Variants in VPS13B observed in about 807,000 individuals in gnomAD.
The protein encoded by VPS13B is intermembrane lipid transfer protein VPS13B.
In VPS13B, 285 loss-of-function variants were observed where a neutral mutation model predicts 426.4. The observed-to-expected ratio is 0.67, with a 90% confidence interval of 0.61 to 0.74. VPS13B has a LOEUF of 0.74. VPS13B is among the 30% of genes least tolerant of loss of function. VPS13B has a pLI of 0.00. For synonymous variants in VPS13B, 1,676 were observed against 1,676.4 expected (o/e 1.00, Z 0.01); for missense variants, 4,537 against 4,782.6 (o/e 0.95, Z 1.51).
rs570746193 is a variant in VPS13B at position 99,218,295 on chromosome 8, T to C, written c.2515+25238T>C. Among the ~76,000 whole-genome samples, 7 of 152,320 alleles carry C rather than the reference T, an allele frequency of 4.6e-5. No homozygotes were observed. The East Asian group carries it at 7.7e-4, about 17-fold the overall frequency. On this transcript the variant is annotated intron_variant, in intron 17 of 61. Transcript: ENST00000357162. ...AGCACACAAAGTCTAAAATATTTAC[T>C]ATCTGGCCCTTTATAGAAGAAGTTT...
chr8:99,349,128 T>C (rs1284994365), intron 19 of VPS13B, among the ~76,000 whole-genome samples: 1 of 150,480 alleles, frequency 6.6e-6, no homozygotes, highest in Non-Finnish European at 1.5e-5. Context: ...GGTCAGGAGA[T>C]CGAGACCATC....
intron 51 of VPS13B, among the ~76,000 whole-genome samples, chr8:99,830,930 C>T (rs1215476914): frequency 6.6e-6 from 1 of 152,054 alleles, no homozygotes; most frequent in Non-Finnish European, 1.5e-5. Flanking sequence ...TGGGCTGCAC[C>T]CACTGTCTAA....
In VPS13B at chr8:99,671,925, A is replaced by G. The variant is rs548995482; in HGVS notation, c.6046+10434A>G. On this transcript the variant is annotated intron_variant, in intron 35 of 61. Transcript: ENST00000357162. ...GTTCTTGACACCTTTGTTGAGAACTAATTAGCTAATACATGGATTTCTTTC... is the reference window on the plus strand; with the variant it reads ...GTTCTTGACACCTTTGTTGAGAACTGATTAGCTAATACATGGATTTCTTTC... Among the ~76,000 whole-genome samples, 3 of 152,256 alleles carry G rather than the reference A, an allele frequency of 2.0e-5. No individual in the cohort carries two copies. The South Asian group carries it at 6.2e-4, about 32-fold the overall frequency.
chr8:99,143,198 C>T, intron 13 of VPS13B, 33 bp downstream of exon 13: 1 of 1,612,200 alleles, frequency 6.2e-7, no homozygotes, highest in Non-Finnish European at 8.5e-7. Context: ...AATCTTTTGC[C>T]ATTTGTTTTG....
chr8:99,397,242 T>C (rs1814779019), intron 21 of VPS13B, among the ~76,000 whole-genome samples: 1 of 152,158 alleles, frequency 6.6e-6, no homozygotes, highest in African/African-American at 2.4e-5. Flanking sequence ...ACCTCCTGAG[T>C]TCAAAAGATT....
intron 39 of VPS13B, among the ~76,000 whole-genome samples, chr8:99,758,918 C>T (rs1188923883): frequency 1.3e-5 from 2 of 152,146 alleles, no homozygotes; most frequent in African/African-American, 2.4e-5. Flanking sequence ...GAGGCTCTCA[C>T]GTTCTTTTTG....
At position 99,096,247 on chromosome 8, in the gene VPS13B, A is replaced by T. The variant is rs540438978; in HGVS notation, c.292-65A>T. 161 of 1,586,598 alleles carry T rather than the reference A, an allele frequency of 1.0e-4. No individual in the cohort carries two copies. In the East Asian group the frequency reaches 1.1e-3, roughly 11 times the overall value. The stretch of plus-strand genomic sequence containing the variant: ...TACCATAAACTGCATATATTAAAAA[A>T]TTTTTTTTCTTAATTCTTGAGTATG... On this transcript the variant is annotated intron_variant, in intron 3 of 61. Coordinates refer to ENST00000357162, the MANE Select transcript of VPS13B (RefSeq NM_152564.5).
chr8:99,778,876 G>A lies in VPS13B; in HGVS notation c.7624G>A (p.Val2542Met). 6.2e-7 allele frequency: 1 copy of A among 1,614,032 alleles called. No individual in the cohort carries two copies. The highest frequency in any genetic ancestry group is 8.5e-7 in the Non-Finnish European group (1 of 1,179,934). Residue 2542 changes from valine to methionine, a missense_variant, in exon 42 of 62, where the codon GTG becomes ATG. Physicochemically the swap from Val to Met is conservative, Grantham distance 21. This residue lies in a region of VPS13B where 4,311 missense variants were observed against 4,474.3 expected (regional missense o/e 0.96). Transcript: ENST00000357162. ...GTGCAGAAATGTCACTATGCAAAGT[G>A]TGGTGAAACCCTTCAGCATCTTCGG... ...LECRNVTMQS[V>M]VKPFSIFGQM... is the part of the protein sequence containing the mutation.
At chr8:99,301,358 A>G (rs1348021712) in intron 19 of VPS13B, among the ~76,000 whole-genome samples, 2 of 150,832 alleles carry the variant, frequency 1.3e-5, no homozygotes, top group Non-Finnish European at 2.9e-5. Flanking sequence ...TAATGGCGCA[A>G]TCTCGGCTCA....
chr8:99,111,307 G>A lies in VPS13B; in HGVS notation c.762+28G>A, dbSNP rs760367365. ...AGGTATCTCTTTTTTTTGCAGTTAA[G>A]TTGCATGTCTTTATTTTGTTTATTG... On this transcript the variant is annotated intron_variant, in intron 6 of 61. Coordinates refer to ENST00000357162, the MANE Select transcript of VPS13B (RefSeq NM_152564.5). 3 of 1,567,854 alleles carry A rather than the reference G, an allele frequency of 1.9e-6. No homozygotes were observed. In the South Asian group the frequency reaches 3.5e-5, roughly 18 times the overall value.
intron 19 of VPS13B, among the ~76,000 whole-genome samples, chr8:99,370,914 G>A (rs1813144550): frequency 6.6e-6 from 1 of 151,958 alleles, no homozygotes; most frequent in Non-Finnish European, 1.5e-5. Flanking sequence ...CCAACCTTAA[G>A]TTTTTATTAT....
chr8:99,238,082 C>A (rs577938126), intron 17 of VPS13B, among the ~76,000 whole-genome samples: 7 of 152,048 alleles, frequency 4.6e-5, no homozygotes, highest in Admixed American at 1.3e-4. Context: ...TCAATTTACT[C>A]TACCCTCATC....
chr8:99,712,690 A>G (rs538282703), intron 36 of VPS13B, among the ~76,000 whole-genome samples: 2 of 149,404 alleles, frequency 1.3e-5, no homozygotes, highest in South Asian at 4.2e-4. Context: ...AATTTTACTG[A>G]TATTTCTGTC....
chr8:99,364,497 C>G (rs1812735742), intron 19 of VPS13B, among the ~76,000 whole-genome samples: 1 of 152,006 alleles, frequency 6.6e-6, no homozygotes. Flanking sequence ...CAGTGACATG[C>G]TCATGGCTCA....
intron 2 of VPS13B, among the ~76,000 whole-genome samples, chr8:99,030,134 G>C (rs1301329590): frequency 3.3e-5 from 1 of 30,362 alleles, no homozygotes; most frequent in African/African-American, 1.2e-4. Context: ...AAAAATACAT[G>C]CTTTTTTTTT....
At chr8:99,016,739 C>CT (rs2132136735) in intron 2 of VPS13B, among the ~76,000 whole-genome samples, 1 of 151,762 alleles carries the variant, frequency 6.6e-6, no homozygotes, top group East Asian at 1.9e-4. Flanking sequence ...TGCAGGCGCC[C>CT]GCCACCATGC....
intron 51 of VPS13B, among the ~76,000 whole-genome samples, chr8:99,827,889 G>A (rs944716556): frequency 2.0e-5 from 3 of 152,076 alleles, no homozygotes; most frequent in Admixed American, 2.0e-4. Flanking sequence ...GTAGTTGTGT[G>A]GATTTTAGTG....
intron 2 of VPS13B, among the ~76,000 whole-genome samples, chr8:99,025,987 G>C (rs1013875382): frequency 5.3e-5 from 8 of 151,690 alleles, no homozygotes; most frequent in African/African-American, 1.9e-4. Context: ...TGTATTGTTT[G>C]GTCTCTATTT....
At chr8:99,147,173 G>A (rs545316548) in intron 13 of VPS13B, among the ~76,000 whole-genome samples, 3 of 152,204 alleles carry the variant, frequency 2.0e-5, no homozygotes, top group African/African-American at 4.8e-5. Context: ...GTACAGTGGC[G>A]TGATCTCGGC....
Sources: allele counts gnomAD v4.1 joint callset (sites outside exome capture counted in the v4.1 genomes callset), GRCh38; gene constraint gnomAD v4.1.1; regional missense constraint gnomAD v4.1.1; transcripts MANE v1.5; gene names NCBI Gene and HGNC (gene_info 2026-07-23, HGNC 2026-07-21).